The following NCALD variants were observed in gnomAD, a reference collection of about 807,000 sequenced individuals.
NCALD encodes the protein neurocalcin-delta.
Under a neutral mutation model 18.6 loss-of-function variants are expected in NCALD, and 10 were observed. The ratio of observed to expected loss-of-function variants is 0.54; its 90% CI spans 0.33 to 0.91. NCALD has a LOEUF of 0.91. Ranked by LOEUF, NCALD falls within the 40% of genes least tolerant of loss-of-function variation. The pLI, the probability that NCALD is intolerant of heterozygous loss-of-function variation, is 0.03. For missense variants in NCALD, 184 were observed against 247.6 expected, an observed-to-expected ratio of 0.74 and a Z score of 1.72; for synonymous variants, 88 against 87.4, an observed-to-expected ratio of 1.01 and a Z score of -0.04.
chr8:102,020,702 A>C (rs893565455), intron 1 of NCALD, among the ~76,000 whole-genome samples: 1 of 152,180 alleles, frequency 6.6e-6, no homozygotes, highest in Admixed American at 6.5e-5. Context: ...TCTAAGCATA[A>C]CATTCTTCTC....
intron 1 of NCALD, among the ~76,000 whole-genome samples, chr8:102,092,087 G>T (rs1305080753): frequency 6.6e-6 from 1 of 152,166 alleles, no homozygotes; most frequent in Admixed American, 6.5e-5. Flanking sequence ...ACAAGATATA[G>T]GTCATAAAGA....
intron 3 of NCALD, chr8:101,690,184 CACT>C: frequency 4.3e-6 from 4 of 940,856 alleles, no homozygotes; most frequent in Non-Finnish European, 5.0e-6. Flanking sequence ...GAAGGCCTGT[CACT>C]TGTGGAGAGG....
chr8:101,735,747 G>T (rs541211406), intron 1 of NCALD, among the ~76,000 whole-genome samples: 54 of 152,152 alleles, frequency 3.5e-4, no homozygotes, highest in Non-Finnish European at 2.6e-4. Context: ...GCTGAAAGAA[G>T]GCCATGTGTT....
chr8:101,991,799 C>CAGGT (rs891330720), intron 2 of NCALD, among the ~76,000 whole-genome samples: 4 of 152,200 alleles, frequency 2.6e-5, no homozygotes, highest in Admixed American at 2.0e-4. Flanking sequence ...GTGGCCAAGG[C>CAGGT]AGGTGCCATG....
intron 1 of NCALD, among the ~76,000 whole-genome samples, chr8:102,123,383 C>T (rs1007436717): frequency 1.3e-5 from 2 of 151,770 alleles, no homozygotes; most frequent in African/African-American, 2.4e-5. Context: ...AAGAAACTGA[C>T]CCTGGCAGGA....
At chr8:101,764,760 ATCC>A (rs1164194265) in intron 1 of NCALD, among the ~76,000 whole-genome samples, 1 of 152,198 alleles carries the variant, frequency 6.6e-6, no homozygotes, top group South Asian at 2.1e-4. Flanking sequence ...ACTCAATTTA[ATCC>A]TCCTAATAGT....
At chr8:102,019,610 G>A (rs2187193) in intron 2 of NCALD, among the ~76,000 whole-genome samples, 121,158 of 152,078 alleles carry the variant, frequency 0.8, 48,986 homozygotes, top group African/African-American at 0.93. Flanking sequence ...AGTAATTCCA[G>A]TATTTTGAAA....
intron 4 of NCALD, among the ~76,000 whole-genome samples, chr8:101,812,670 T>G (rs1185049068): frequency 6.6e-6 from 1 of 152,172 alleles, no homozygotes; most frequent in African/African-American, 2.4e-5. Flanking sequence ...CCATGAAGTC[T>G]GTCCACTTGG....
chr8:102,076,153 TA>T (rs139419899), intron 1 of NCALD, among the ~76,000 whole-genome samples: 6 of 151,960 alleles, frequency 3.9e-5, no homozygotes, highest in Non-Finnish European at 8.8e-5. Flanking sequence ...CAAAAAGGAA[TA>T]AAAAAATAAC....
chr8:101,893,689 A>G (rs1817016528), intron 3 of NCALD, among the ~76,000 whole-genome samples: 2 of 130,322 alleles, frequency 1.5e-5, no homozygotes, highest in Non-Finnish European at 3.1e-5. Flanking sequence ...CAAATGGAAA[A>G]CAAAAAAAGG....
chr8:101,883,162 A>T (rs1168989564), intron 4 of NCALD, among the ~76,000 whole-genome samples: 1 of 152,216 alleles, frequency 6.6e-6, no homozygotes, highest in African/African-American at 2.4e-5. Flanking sequence ...GCTTAAGGCC[A>T]TGAGTTCTAG....
intron 2 of NCALD, among the ~76,000 whole-genome samples, chr8:101,707,447 C>T (rs1563677264): frequency 6.6e-6 from 1 of 152,172 alleles, no homozygotes; most frequent in Non-Finnish European, 1.5e-5. Context: ...GCTCCCCATC[C>T]TCATCTGGCT....
At chr8:102,029,999 G>T (rs1158223717) in intron 1 of NCALD, among the ~76,000 whole-genome samples, 3 of 152,202 alleles carry the variant, frequency 2.0e-5, no homozygotes, top group Non-Finnish European at 4.4e-5. Context: ...CTAGACAAGA[G>T]CACATGCCTC....
chr8:101,738,058 GGTCAT>G (rs1446367001), intron 1 of NCALD, among the ~76,000 whole-genome samples: 1 of 152,136 alleles, frequency 6.6e-6, no homozygotes, highest in East Asian at 1.9e-4. Flanking sequence ...TACTGTCTGT[GGTCAT>G]CTTTTCAGAG....
At position 101,712,004 on chromosome 8, in the gene NCALD, T is replaced by C. The variant is rs148486839; in HGVS notation, c.378+7248A>G. 9.1e-3 allele frequency among the ~76,000 whole-genome samples: 1,384 copies of C among 152,218 alleles called. 27 individuals carry two copies. Among genetic ancestry groups the C allele is most frequent in the African/African-American group, 0.032 (1,319 of 41,512 alleles). On this transcript the variant is annotated intron_variant, in intron 2 of 3. Transcript: ENST00000220931. ...CAAGGTTGAAATGAAGGAAAAAATA[T>C]TAAGGGCAGCCAGAAAGAAAGGCTG...
At chr8:102,045,749 T>G (rs1432687698) in intron 1 of NCALD, among the ~76,000 whole-genome samples, 1 of 152,244 alleles carries the variant, frequency 6.6e-6, no homozygotes, top group Non-Finnish European at 1.5e-5. Flanking sequence ...CCTTAATACA[T>G]GCAATGTATT....
intron 2 of NCALD, among the ~76,000 whole-genome samples, chr8:101,964,838 C>A (rs1249706301): frequency 1.3e-5 from 2 of 152,016 alleles, no homozygotes; most frequent in Non-Finnish European, 2.9e-5. Flanking sequence ...TTCATAAAAA[C>A]AGAAAATGTT....
intron 1 of NCALD, among the ~76,000 whole-genome samples, chr8:102,086,721 G>A (rs1824749208): frequency 6.6e-6 from 1 of 152,166 alleles, no homozygotes; most frequent in Non-Finnish European, 1.5e-5. Flanking sequence ...TCTTGAATAG[G>A]GGCTTGGTAA....
At chr8:101,897,252 A>T (rs1315468069) in intron 3 of NCALD, among the ~76,000 whole-genome samples, 1 of 148,806 alleles carries the variant, frequency 6.7e-6, no homozygotes, top group Non-Finnish European at 1.5e-5. Flanking sequence ...CATTCTCAGT[A>T]AACTATCGCA....
Sources: gnomAD v4.1 joint callset for allele counts (sites outside exome capture counted in the v4.1 genomes callset) on GRCh38, gnomAD v4.1.1 for gene constraint, MANE v1.5 for transcripts, NCBI Gene and HGNC (gene_info 2026-07-23, HGNC 2026-07-21) for gene names.